The following HDAC11 variants were observed in gnomAD, a reference collection of about 807,000 sequenced individuals.
HDAC11 encodes histone deacetylase 11.
HDAC11 carries 23 observed loss-of-function variants against 41.1 expected under a neutral mutation model. The ratio of observed to expected loss-of-function variants is 0.56; its 90% confidence interval spans 0.40 to 0.79. The LOEUF (loss-of-function observed/expected upper bound fraction) is 0.79, where lower values mean the gene tolerates loss of function less well. Among genes scored for constraint, HDAC11 ranks in the 30% least tolerant of loss-of-function variants. The pLI is 0.00. For missense variants in HDAC11, 402 were observed against 477.3 expected (o/e 0.84, Z 1.47); for synonymous variants, 187 against 186.6 (o/e 1.00, Z -0.02).
intron 3 of HDAC11, among the ~76,000 whole-genome samples, chr3:13,486,267 C>CAAAAAAAA (rs76727800): frequency 1.0e-3 from 66 of 65,120 alleles, no homozygotes; most frequent in South Asian, 1.3e-3. Flanking sequence ...AACTCCATCT[C>CAAAAAAAA]AAAAAAAAAA....
intron 3 of HDAC11, among the ~76,000 whole-genome samples, chr3:13,491,933 C>G (rs1341747182): frequency 6.6e-6 from 1 of 152,248 alleles, no homozygotes; most frequent in Admixed American, 6.5e-5. Flanking sequence ...GATGGCTGGG[C>G]CCCTCCCAGA....
chr3:13,498,272 C>G (rs932456981), intron 4 of HDAC11, among the ~76,000 whole-genome samples: 4 of 152,152 alleles, frequency 2.6e-5, no homozygotes, highest in Middle Eastern at 3.2e-3. Flanking sequence ...TTCCAGTTTC[C>G]TTGCACAATT....
In HDAC11 at chr3:13,500,705, T is replaced by A. The variant is rs1421618597; in HGVS notation, c.413-8T>A. The A allele has an allele frequency of 6.3e-7, 1 of 1,584,796 alleles. No homozygotes were observed. The highest frequency in any genetic ancestry group is 2.3e-5 in the East Asian group (1 of 44,000). On this transcript the variant is annotated splice_region_variant and splice_polypyrimidine_tract_variant and intron_variant, in intron 5 of 9. Transcript: ENST00000295757. ...CTCTGAGCAGCACCGCTCTCTGCCCTTCCGCAGGGGGTGGCTTCCACCACT... is the reference window on the plus strand; with the variant it reads ...CTCTGAGCAGCACCGCTCTCTGCCCATCCGCAGGGGGTGGCTTCCACCACT...
chr3:13,503,195 T>C (rs763353198), intron 8 of HDAC11: 2 of 360,542 alleles, frequency 5.5e-6, no homozygotes, highest in Non-Finnish European at 5.0e-6. Context: ...AAACATGCAT[T>C]TGTCTGGCAA....
chr3:13,487,591 C>G (rs1364310782), intron 3 of HDAC11, among the ~76,000 whole-genome samples: 1 of 152,242 alleles, frequency 6.6e-6, no homozygotes, highest in Non-Finnish European at 1.5e-5. Flanking sequence ...TGCCCCAGCA[C>G]TGGGCTCTTG....
rs534934980 is a variant in HDAC11, at chr3:13,489,695, T to A, written c.252+6131T>A. Among the ~76,000 whole-genome samples the A allele has an allele frequency of 2.0e-5, 3 of 152,160 alleles. No homozygotes were observed. In the East Asian group the frequency reaches 5.8e-4, roughly 29 times the overall value. ...AATTCTCCCATCTCAGCCTCCCAGG[T>A]AGCTGGGACTACAGGCGTGTGCTAC... On this transcript the variant is annotated intron_variant, in intron 3 of 9. Transcript: ENST00000295757.
At chr3:13,486,281 AAAAAAAAAG>A (rs1701566325) in intron 3 of HDAC11, among the ~76,000 whole-genome samples, 2 of 150,810 alleles carry the variant, frequency 1.3e-5, no homozygotes, top group African/African-American at 4.9e-5. Context: ...AAAAAAAAAA[AAAAAAAAAG>A]AAAAAGATGA....
chr3:13,486,267 C>CAAAAAAAAAA (rs76727800), intron 3 of HDAC11, among the ~76,000 whole-genome samples: 10 of 65,186 alleles, frequency 1.5e-4, no homozygotes, highest in East Asian at 9.1e-4. Flanking sequence ...AACTCCATCT[C>CAAAAAAAAAA]AAAAAAAAAA....
Position 13,483,646 on chromosome 3 carries a change from C to T in HDAC11, c.252+82C>T, listed in dbSNP as rs1321882101. ...GAGTGGCCAGAGGCAGGAGGTGACT[C>T]AGCCTGGGGAAGCCAAGTCTCACAG... On this transcript the variant is annotated intron_variant, in intron 3 of 9. Coordinates refer to ENST00000295757, the MANE Select transcript of HDAC11 (RefSeq NM_024827.4). 3.6e-6 allele frequency: 4 copies of T among 1,114,520 alleles called. No homozygotes were observed. In the African/African-American group the frequency reaches 4.6e-5, roughly 13 times the overall value. 69.0% of individuals were successfully genotyped at this position (1,114,520 alleles called of 1,614,324 possible).
intron 4 of HDAC11, among the ~76,000 whole-genome samples, chr3:13,497,877 A>T: frequency 2.2e-5 from 2 of 89,690 alleles, no homozygotes; most frequent in Non-Finnish European, 2.1e-5. Flanking sequence ...TTTTTTTGAG[A>T]CAGAGTCTCA....
At chr3:13,504,308 C>G in intron 9 of HDAC11, 36 bp downstream of exon 9, 1 of 1,606,098 alleles carries the variant, frequency 6.2e-7, no homozygotes, top group Non-Finnish European at 8.5e-7. Flanking sequence ...GGAGGGTCTG[C>G]TCTATGGACT....
In HDAC11 at chr3:13,488,740, A is replaced by G. The variant is rs1258080179; in HGVS notation, c.252+5176A>G. Among the ~76,000 whole-genome samples the G allele has an allele frequency of 2.0e-5, 3 of 152,288 alleles. No homozygotes were observed. The South Asian group carries it at 6.2e-4, about 32-fold the overall frequency. On this transcript the variant is annotated intron_variant, in intron 3 of 9. Transcript: ENST00000295757. Reference sequence around the variant, plus strand: ...TGTGCATACGAGTATTTATTAGAATACCTGTTTTCAGTTATTTGGGGTATA... The same window carrying G: ...TGTGCATACGAGTATTTATTAGAATGCCTGTTTTCAGTTATTTGGGGTATA...
intron 3 of HDAC11, among the ~76,000 whole-genome samples, chr3:13,491,804 G>T (rs1053487931): frequency 6.6e-6 from 1 of 152,248 alleles, no homozygotes; most frequent in Non-Finnish European, 1.5e-5. Context: ...GTCTGGGGCA[G>T]ACCTCCCATG....
At chr3:13,489,858 C>T (rs926133423) in intron 3 of HDAC11, among the ~76,000 whole-genome samples, 1 of 152,128 alleles carries the variant, frequency 6.6e-6, no homozygotes, top group African/African-American at 2.4e-5. Context: ...ATGTGTGAGC[C>T]ACTGCGCCCA....
At chr3:13,498,973 A>T (rs763536005) in intron 5 of HDAC11, among the ~76,000 whole-genome samples, 3 of 151,880 alleles carry the variant, frequency 2.0e-5, no homozygotes, top group Non-Finnish European at 4.4e-5. Flanking sequence ...AGGCTTGGTC[A>T]TGTTGGGTTG....
In HDAC11 at chr3:13,490,455, C is replaced by T. The variant is rs1000524228; in HGVS notation, c.253-6281C>T. ...GGAGTTTTGCCATCTTAACAATATTCGGTCTTTCAATCCATGAACATGGGA... is the reference window on the plus strand; with the variant it reads ...GGAGTTTTGCCATCTTAACAATATTTGGTCTTTCAATCCATGAACATGGGA... On this transcript the variant is annotated intron_variant, in intron 3 of 9. Transcript: ENST00000295757. Among the ~76,000 whole-genome samples, 6 of 152,222 alleles carry T rather than the reference C, an allele frequency of 3.9e-5. No homozygotes were observed. In the South Asian group the frequency reaches 6.2e-4, roughly 16 times the overall value.
intron 3 of HDAC11, among the ~76,000 whole-genome samples, chr3:13,483,809 T>C (rs1235802189): frequency 6.6e-6 from 1 of 152,198 alleles, no homozygotes; most frequent in East Asian, 1.9e-4. Flanking sequence ...CTCCAGGGCG[T>C]ATGAAAGCCT....
Position 13,480,745 on chromosome 3 carries a change from GGGGATCCCCGCCCCC to G in HDAC11, c.2+397_2+411del. On this transcript the variant is annotated intron_variant, in intron 1 of 9. Coordinates refer to ENST00000295757, the MANE Select transcript of HDAC11 (RefSeq NM_024827.4). This position sits in a 1 kb window ranked among gnomAD's most constrained non-coding sequence, Gnocchi z 4.6. ...AAGGGTTAGCAGCGCAGCGGGGTCA[GGGGATCCCCGCCCCC>G]CGCCCTGGCTCAGGTTGGGTCCCGA... is the stretch of plus-strand genomic sequence containing the variant. 2.1e-6 allele frequency: 1 copy of G among 482,694 alleles called. No homozygotes were observed. Among genetic ancestry groups the G allele is most frequent in the Non-Finnish European group, 4.2e-6 (1 of 236,184 alleles). The allele number at this position is 482,694 out of a possible 1,614,324, so 29.9% of individuals were successfully genotyped here.
chr3:13,503,229 A>C, intron 8 of HDAC11: 1 of 330,670 alleles, frequency 3.0e-6, no homozygotes, highest in East Asian at 5.6e-5. Flanking sequence ...ATGAAAGAAA[A>C]AAAAGAAAAA....
Sources: gnomAD v4.1 joint callset for allele counts (sites outside exome capture counted in the v4.1 genomes callset) on GRCh38, gnomAD v4.1.1 for gene constraint, Gnocchi (gnomAD v3.1) non-coding constraint, MANE v1.5 for transcripts, NCBI Gene and HGNC (gene_info 2026-07-23, HGNC 2026-07-21) for gene names.